Variants in ATP13A2 observed in about 807,000 individuals in gnomAD.
ATP13A2 encodes the protein ATPase cation transporting 13A2.
A neutral mutation model predicts 138.3 loss-of-function variants in ATP13A2; 83 were observed. That is an observed-to-expected ratio of 0.60 (90% confidence interval 0.50 to 0.72). ATP13A2 has a LOEUF of 0.72. Among genes scored for constraint, ATP13A2 ranks in the 30% least tolerant of loss-of-function variants. The pLI, the probability that ATP13A2 is intolerant of heterozygous loss-of-function variation, is 0.00. For synonymous variants in ATP13A2, 663 were observed against 699.0 expected, an observed-to-expected ratio of 0.95 and a Z score of 0.81; for missense variants, 1,402 against 1,606.4, an observed-to-expected ratio of 0.87 and a Z score of 2.17.
chr1:17,004,454 G>A lies in ATP13A2; in HGVS notation c.478-43C>T. 6.2e-7 allele frequency: 1 copy of A among 1,604,768 alleles called. No homozygotes were observed. The highest frequency in any genetic ancestry group is 8.5e-7 in the Non-Finnish European group (1 of 1,173,578). On this transcript the variant is annotated intron_variant, in intron 5 of 28. Transcript: ENST00000326735. The surrounding 1 kb of genome is among the most constrained non-coding windows in gnomAD (Gnocchi z 4.1). ...GAGGATGGGTTGGAAGCTGGCCCCG[G>A]CCCCAGAAGCAGTGTGCTTATGCTG...
chr1:16,994,893 A>G (rs1350137479), intron 15 of ATP13A2, among the ~76,000 whole-genome samples: 1 of 151,458 alleles, frequency 6.6e-6, no homozygotes, highest in Non-Finnish European at 1.5e-5. Context: ...TGAACTCCTG[A>G]CCTCATGATC....
At chr1:16,996,535 G>T in intron 12 of ATP13A2, 39 bp from the exon 13 acceptor site, 1 of 1,548,068 alleles carries the variant, frequency 6.5e-7, no homozygotes, top group Non-Finnish European at 8.9e-7. Context: ...GGGAAGCCAG[G>T]GTGAGGGCAG....
intron 1 of ATP13A2, among the ~76,000 whole-genome samples, chr1:17,008,718 A>T (rs1003229700): frequency 3.3e-5 from 5 of 152,046 alleles, no homozygotes; most frequent in African/African-American, 9.6e-5. Context: ...TGGGAGCCCA[A>T]GGGGGGCGGA....
intron 20 of ATP13A2, among the ~76,000 whole-genome samples, chr1:16,990,692 T>C (rs1160914965): frequency 6.6e-6 from 1 of 151,594 alleles, no homozygotes; most frequent in Non-Finnish European, 1.5e-5. Flanking sequence ...CTAATTTTTT[T>C]TGCATTTTTA....
chr1:17,004,368 A>G lies in ATP13A2; in HGVS notation c.521T>C (p.Ile174Thr). Residue 174 changes from isoleucine (I) to threonine (T), a missense_variant, in exon 6 of 29, where the codon ATC becomes ACC. By Grantham distance (89) the Ile-to-Thr change is moderately conservative (BLOSUM62 -1). Coordinates refer to ENST00000326735, the MANE Select transcript of ATP13A2 (RefSeq NM_022089.4). The surrounding 1 kb of genome is among the most constrained non-coding windows in gnomAD (Gnocchi z 4.1). ...RYYLFQGQRY[I>T]WIETQQAFYQ... is the part of the protein sequence containing the mutation. ...GAAGGCTTGCTGGGTCTCGATCCAG[A>G]TATAGCGCTGGCCCTGGAAGAGGTA... 1 of 1,613,970 alleles carries G rather than the reference A, an allele frequency of 6.2e-7. No individual in the cohort carries two copies. The highest frequency in any genetic ancestry group is 1.7e-5 in the Admixed American group (1 of 60,004).
chr1:17,011,724 C>T lies in ATP13A2; in HGVS notation c.10+5G>A. The T allele has an allele frequency of 6.8e-7, 1 of 1,477,692 alleles. No homozygotes were observed. The allele number at this position is 1,477,692 out of a possible 1,614,324, so 91.5% of individuals were successfully genotyped here. Reference sequence around the variant, plus strand: ...GCTCGGGGCCGACCCGGACTCCGCACTCACCTGCGCTCATGCCGGCTCCTC... The same window carrying T: ...GCTCGGGGCCGACCCGGACTCCGCATTCACCTGCGCTCATGCCGGCTCCTC... On this transcript the variant is annotated splice_donor_5th_base_variant and intron_variant, in intron 1 of 28. Transcript: ENST00000326735. The surrounding 1 kb of genome is among the most constrained non-coding windows in gnomAD (Gnocchi z 7.3).
At chr1:17,009,387 CTTTT>C (rs1161920218) in intron 1 of ATP13A2, among the ~76,000 whole-genome samples, 7 of 116,500 alleles carry the variant, frequency 6.0e-5, no homozygotes, top group East Asian at 2.4e-4. Context: ...GAGCCTCTTC[CTTTT>C]TTTTTTTTTT....
rs775746607 is a variant in ATP13A2, at chr1:17,000,282, A to T, written c.871T>A (p.Leu291Met). ...QSQTLRDMVKLSMRVCVCRPG... is the reference protein window; with the variant it reads ...QSQTLRDMVKMSMRVCVCRPG... ...CGGCACACGCACACCCGCATGGACA[A>T]CTTGACCATGTCCCTTAGAGTCTGG... The change falls in exon 10 of 29, where the codon TTG becomes ATG. Residue 291 changes from leucine (L) to methionine (M), a missense_variant. Transcript: ENST00000326735. 19 of 1,579,886 alleles carry T rather than the reference A, an allele frequency of 1.2e-5. No individual in the cohort carries two copies. Among genetic ancestry groups the T allele is most frequent in the Non-Finnish European group, 1.5e-5 (18 of 1,162,700 alleles).
In ATP13A2 at chr1:16,992,259, G is replaced by C. The variant is rs547528758; in HGVS notation, c.1989C>G (p.Leu663=). The change falls in exon 18 of 29, where the codon CTC becomes CTG. Residue 663 remains leucine, a synonymous_variant. Coordinates refer to ENST00000326735, the MANE Select transcript of ATP13A2 (RefSeq NM_022089.4). ...VKGSPELVAG[L]CNPETVPTDF... ...CCCCTGCACCTGTCTCGGGGTTGCA[G>C]AGCCCTGCCACCAGCTCCGGGGAGC... 2 of 1,612,556 alleles carry C rather than the reference G, an allele frequency of 1.2e-6. No individual in the cohort carries two copies. The highest frequency in any genetic ancestry group is 2.7e-5 in the African/African-American group (2 of 75,078).
rs773087322 is a variant in ATP13A2, at chr1:17,005,429, C to T, written c.233G>A (p.Arg78Gln). 135 of 1,613,096 alleles carry T rather than the reference C, an allele frequency of 8.4e-5. No homozygotes were observed. Among genetic ancestry groups the T allele is most frequent in the African/African-American group, 1.1e-4 (8 of 74,940 alleles). The change falls in exon 3 of 29, where the codon CGG becomes CAG. Residue 78 changes from arginine (R) to glutamine (Q), a missense_variant. Transcript: ENST00000326735. ...TTCGGCGTGGGCCAGGTTGCAGGGCCGGAGCCGCAGCCGCACCCCCCACAG... is the reference window on the plus strand; with the variant it reads ...TTCGGCGTGGGCCAGGTTGCAGGGCTGGAGCCGCAGCCGCACCCCCCACAG... ...KPLWGVRLRL[R>Q]PCNLAHAETL...
At chr1:16,998,293 C>T (rs2077218430) in intron 11 of ATP13A2, among the ~76,000 whole-genome samples, 5 of 152,120 alleles carry the variant, frequency 3.3e-5, no homozygotes, top group African/African-American at 1.2e-4. Context: ...CAACCTCCAC[C>T]TCCTAGGCTC....
At chr1:16,994,352 C>T (rs939557894) in intron 15 of ATP13A2, among the ~76,000 whole-genome samples, 1 of 151,956 alleles carries the variant, frequency 6.6e-6, no homozygotes, top group South Asian at 2.1e-4. Flanking sequence ...CCTGCCTCAG[C>T]CTCCCGAGCA....
Position 16,991,257 on chromosome 1 carries a change from G to A in ATP13A2, c.2251+477C>T, listed in dbSNP as rs577288715. 5.3e-5 allele frequency among the ~76,000 whole-genome samples: 8 copies of A among 151,412 alleles called. No individual in the cohort carries two copies. The South Asian group carries it at 6.3e-4, about 12-fold the overall frequency. ...TGAGACACTGTGCCCGGCCATTTTC[G>A]TATTCTTTGTAGAGACGGAGTTTTG... On this transcript the variant is annotated intron_variant, in intron 20 of 28. Transcript: ENST00000326735.
Position 16,995,527 on chromosome 1 carries a change from ATCTTGGC to A in ATP13A2, c.1542+442_1542+448del, listed in dbSNP as rs1224518758. The A allele has an allele frequency of 3.3e-6, 1 of 302,172 alleles. No individual in the cohort carries two copies. The highest frequency in any genetic ancestry group is 6.5e-6 in the Non-Finnish European group (1 of 153,896). The allele number at this position is 302,172 out of a possible 1,614,324, so 18.7% of individuals were successfully genotyped here. ...ACCCAGGCTGGAGTACAATGGCATG[ATCTTGGC>A]TCACTGCAACCTCTGCGATTCTCCT... On this transcript the variant is annotated intron_variant, in intron 15 of 28. Coordinates refer to ENST00000326735, the MANE Select transcript of ATP13A2 (RefSeq NM_022089.4). The surrounding 1 kb of genome is among the most constrained non-coding windows in gnomAD (Gnocchi z 4.1).
intron 19 of ATP13A2, 47 bp from the exon 20 acceptor site, chr1:16,991,905 CCCCTCT>C (rs1238037423): frequency 6.2e-7 from 1 of 1,612,930 alleles, no homozygotes; most frequent in Non-Finnish European, 8.5e-7. Context: ...GTGGCCAGGG[CCCCTCT>C]CCCAGCCACC....
Position 16,986,573 on chromosome 1 carries a change from G to A in ATP13A2, c.3295C>T (p.Pro1099Ser), listed in dbSNP as rs1193737058. ...SSVLVGLVLV[P>S]GLLQGPLALR... ...GCCAGCGGCCCCTGCAGGAGGCCGG[G>A]GACCAGGACAAGGCCCACCAGGACG... The change falls in exon 28 of 29, where the codon CCC becomes TCC. Residue 1099 changes from proline (P) to serine (S), a missense_variant. Coordinates refer to ENST00000326735, the MANE Select transcript of ATP13A2 (RefSeq NM_022089.4). This position sits in a 1 kb window ranked among gnomAD's most constrained non-coding sequence, Gnocchi z 6.9. 1 of 1,612,042 alleles carries A rather than the reference G, an allele frequency of 6.2e-7. No individual in the cohort carries two copies. Among genetic ancestry groups the A allele is most frequent in the Admixed American group, 1.7e-5 (1 of 59,994 alleles).
In ATP13A2 at chr1:17,005,521, G is replaced by A. The variant is rs754354866; in HGVS notation, c.141C>T (p.Val47=). ...LSGYCGSPWR[V]IGYHVVVWMM... is the part of the protein sequence containing the mutation. Reference sequence around the variant, plus strand: ...TCCAGACCACGACGTGATAGCCGATGACCCTCCATGGACTGCCACAGTAGC... The same window carrying A: ...TCCAGACCACGACGTGATAGCCGATAACCCTCCATGGACTGCCACAGTAGC... Residue 47 remains valine (V), a synonymous_variant, in exon 3 of 29, where the codon GTC becomes GTT. Coordinates refer to ENST00000326735, the MANE Select transcript of ATP13A2 (RefSeq NM_022089.4). 2 of 1,614,252 alleles carry A rather than the reference G, an allele frequency of 1.2e-6. No individual in the cohort carries two copies. Among genetic ancestry groups the A allele is most frequent in the Non-Finnish European group, 1.7e-6 (2 of 1,180,050 alleles).
At chr1:16,988,988 G>A (rs769338463) in intron 23 of ATP13A2, among the ~76,000 whole-genome samples, 33 of 151,602 alleles carry the variant, frequency 2.2e-4, no homozygotes, top group South Asian at 6.2e-4. Flanking sequence ...GTGCAGTGGC[G>A]TGATCTCTGC....
Position 16,986,102 on chromosome 1 carries a change from G to A in ATP13A2, c.*119C>T, listed in dbSNP as rs758220660. The A allele has an allele frequency of 2.5e-6, 4 of 1,571,510 alleles. No homozygotes were observed. The highest frequency in any genetic ancestry group is 2.7e-5 in the African/African-American group (2 of 74,198). On this transcript the variant is annotated 3_prime_UTR_variant, in exon 29 of 29. Transcript: ENST00000326735. This position sits in a 1 kb window ranked among gnomAD's most constrained non-coding sequence, Gnocchi z 6.9. ...GTGGGGGTGGTCTCGGGGGAGGAGTGTAGACAGTCGCCAACCTCAGGGATG... is the reference window on the plus strand; with the variant it reads ...GTGGGGGTGGTCTCGGGGGAGGAGTATAGACAGTCGCCAACCTCAGGGATG...
Sources: gnomAD v4.1 joint callset for allele counts (sites outside exome capture counted in the v4.1 genomes callset) on GRCh38, gnomAD v4.1.1 for gene constraint, Gnocchi (gnomAD v3.1) non-coding constraint, MANE v1.5 for transcripts, NCBI Gene and HGNC (gene_info 2026-07-23, HGNC 2026-07-21) for gene names.